The following GRIK4 variants were observed in gnomAD, a reference collection of about 807,000 sequenced individuals.
The protein encoded by GRIK4 is glutamate receptor ionotropic, kainate 4.
GRIK4 carries 40 observed loss-of-function variants against 104.9 expected under a neutral mutation model. That is an observed-to-expected ratio of 0.38 (90% CI 0.30 to 0.50). The LOEUF is 0.50. GRIK4 is among the 20% of genes least tolerant of loss of function. The pLI is 0.93. For synonymous variants in GRIK4, 485 were observed against 524.9 expected, an observed-to-expected ratio of 0.92 and a Z score of 1.04; for missense variants, 1,047 against 1,308.1, an observed-to-expected ratio of 0.80 and a Z score of 3.08.
chr11:120,979,861 C>G (rs972779673), intron 19 of GRIK4, among the ~76,000 whole-genome samples: 1 of 152,198 alleles, frequency 6.6e-6, no homozygotes, highest in African/African-American at 2.4e-5. Flanking sequence ...GAGATGGAGT[C>G]TCACTCTGTT....
chr11:120,841,147 G>A (rs1226863245), intron 8 of GRIK4, among the ~76,000 whole-genome samples: 1 of 151,962 alleles, frequency 6.6e-6, no homozygotes, highest in African/African-American at 2.4e-5. Context: ...CCATATTTAA[G>A]TACACTTTTC....
At chr11:120,644,179 A>T (rs747115252) in intron 1 of GRIK4, among the ~76,000 whole-genome samples, 5 of 151,980 alleles carry the variant, frequency 3.3e-5, no homozygotes, top group Non-Finnish European at 4.4e-5. Flanking sequence ...AGGATACTGT[A>T]TTTTTTACAA....
chr11:120,951,207 G>A (rs960546318), intron 14 of GRIK4, among the ~76,000 whole-genome samples: 4 of 152,124 alleles, frequency 2.6e-5, no homozygotes, highest in Admixed American at 6.5e-5. Context: ...CAGGCCCACC[G>A]GCTCCCTAAG....
chr11:120,637,758 A>T, intron 1 of GRIK4, among the ~76,000 whole-genome samples: 1 of 152,142 alleles, frequency 6.6e-6, no homozygotes, highest in East Asian at 1.9e-4. Flanking sequence ...CTTAAAGCCG[A>T]CACTGCAGAA....
At chr11:120,873,300 C>T (rs1954665793) in intron 9 of GRIK4, 1 of 152,540 alleles carries the variant, frequency 6.6e-6, no homozygotes, top group Non-Finnish European at 1.5e-5. Context: ...TCCCTCTTCT[C>T]AGCGACTCCC....
At chr11:120,634,781 G>A (rs371585653) in intron 1 of GRIK4, among the ~76,000 whole-genome samples, 2 of 152,096 alleles carry the variant, frequency 1.3e-5, no homozygotes, top group African/African-American at 2.4e-5. Context: ...AGGAGGGGGC[G>A]ATTCACCTTG....
intron 19 of GRIK4, among the ~76,000 whole-genome samples, chr11:120,976,895 G>A (rs1944569215): frequency 6.6e-6 from 1 of 152,110 alleles, no homozygotes; most frequent in Non-Finnish European, 1.5e-5. Context: ...GTGGAGATAT[G>A]TGAGTGTTTT....
intron 3 of GRIK4, among the ~76,000 whole-genome samples, chr11:120,790,197 C>T (rs1952367609): frequency 2.0e-5 from 3 of 152,170 alleles, no homozygotes; most frequent in Non-Finnish European, 4.4e-5. Flanking sequence ...AGCAGAGATA[C>T]ATCTTATCCT....
At chr11:120,958,600 AC>A (rs1370828624) in intron 16 of GRIK4, among the ~76,000 whole-genome samples, 1 of 152,222 alleles carries the variant, frequency 6.6e-6, no homozygotes, top group Non-Finnish European at 1.5e-5. Flanking sequence ...TGCCAGTTTG[AC>A]AACTGAAAAT....
chr11:120,694,938 A>G (rs537347872), intron 3 of GRIK4, among the ~76,000 whole-genome samples: 1 of 152,254 alleles, frequency 6.6e-6, no homozygotes, highest in Admixed American at 6.5e-5. Context: ...CTAGATTATC[A>G]TTCTTGGCTT....
At chr11:120,660,218 C>G (rs751850366) in intron 2 of GRIK4, 51 bp from the exon 3 acceptor site, 9 of 787,100 alleles carry the variant, frequency 1.1e-5, no homozygotes, top group South Asian at 9.2e-5. Context: ...GGTGGGGCAG[C>G]TGCCTAGCTG....
At chr11:120,649,781 G>T (rs1949594123) in intron 1 of GRIK4, among the ~76,000 whole-genome samples, 1 of 152,208 alleles carries the variant, frequency 6.6e-6, no homozygotes, top group Non-Finnish European at 1.5e-5. Flanking sequence ...GCAGAGGAGA[G>T]AGGGTTATAT....
intron 1 of GRIK4, among the ~76,000 whole-genome samples, chr11:120,512,235 C>T (rs1407070465): frequency 1.3e-5 from 2 of 151,960 alleles, no homozygotes; most frequent in African/African-American, 2.4e-5. Flanking sequence ...CGCTCTGGTC[C>T]TCCCCCTCCC....
rs73007901 is a variant in GRIK4, at chr11:120,952,712, A to G, written c.1591-143A>G. On this transcript the variant is annotated intron_variant, in intron 14 of 20. Transcript: ENST00000527524. The surrounding 1 kb of genome is among the most constrained non-coding windows in gnomAD (Gnocchi z 5.2). ...CGGCAACACCCTCATTCCCAGTGTC[A>G]TTTAAACCAATCACCCAGAACCCAC... is the stretch of plus-strand genomic sequence containing the variant. 6.4e-3 allele frequency: 4,539 copies of G among 705,120 alleles called. 39 individuals are homozygous for G. The highest frequency in any genetic ancestry group is 0.029 in the Middle Eastern group (100 of 3,488). 43.7% of individuals were successfully genotyped at this position (705,120 alleles called of 1,614,324 possible). A position where few individuals can be genotyped will look rare whatever the true frequency, so the allele number is the denominator to read the frequency against.
At chr11:120,743,831 A>G (rs1256871825) in intron 3 of GRIK4, among the ~76,000 whole-genome samples, 1 of 152,250 alleles carries the variant, frequency 6.6e-6, no homozygotes, top group Non-Finnish European at 1.5e-5. Flanking sequence ...TGTCTTATTT[A>G]TAAAATGGGA....
At chr11:120,658,028 G>C (rs529814672) in intron 2 of GRIK4, among the ~76,000 whole-genome samples, 3 of 152,112 alleles carry the variant, frequency 2.0e-5, no homozygotes, top group Non-Finnish European at 4.4e-5. Context: ...AGAGTGGTTT[G>C]GTCTATTTTT....
At chr11:120,787,776 T>C (rs1050418513) in intron 3 of GRIK4, among the ~76,000 whole-genome samples, 13 of 151,742 alleles carry the variant, frequency 8.6e-5, no homozygotes, top group Middle Eastern at 3.2e-3. Flanking sequence ...TTGGATGTTT[T>C]TAAATGTGGC....
intron 1 of GRIK4, among the ~76,000 whole-genome samples, chr11:120,512,241 C>G (rs1221036776): frequency 4.6e-5 from 7 of 151,972 alleles, no homozygotes; most frequent in African/African-American, 1.7e-4. Context: ...GGTCCTCCCC[C>G]TCCCCGTGCA....
Position 120,511,870 on chromosome 11 carries a change from G to T in GRIK4, c.-176G>T. ...CGCCCGGCCCCCGGCTCAGCCCCCGGAGTGCGGAGCCGACCAGGTAAGGGC... is the reference window on the plus strand; with the variant it reads ...CGCCCGGCCCCCGGCTCAGCCCCCGTAGTGCGGAGCCGACCAGGTAAGGGC... On this transcript the variant is annotated 5_prime_UTR_variant, in exon 1 of 21. Transcript: ENST00000527524. The T allele has an allele frequency of 3.0e-6, 1 of 329,622 alleles. No homozygotes were observed. Among genetic ancestry groups the T allele is most frequent in the South Asian group, 2.1e-5 (1 of 48,288 alleles). The allele number at this position is 329,622 out of a possible 1,614,324, so 20.4% of individuals were successfully genotyped here. A position where few individuals can be genotyped will look rare whatever the true frequency, so the allele number is the denominator to read the frequency against.
Sources: allele counts gnomAD v4.1 joint callset (sites outside exome capture counted in the v4.1 genomes callset), GRCh38; gene constraint gnomAD v4.1.1; non-coding constraint Gnocchi (gnomAD v3.1); transcripts MANE v1.5; gene names NCBI Gene and HGNC (gene_info 2026-07-23, HGNC 2026-07-21).